The following HNRNPUL1 variants were observed in gnomAD, a reference collection of about 807,000 sequenced individuals.
The protein encoded by HNRNPUL1 is heterogeneous nuclear ribonucleoprotein U like 1.
In HNRNPUL1, 14 loss-of-function variants were observed where a neutral mutation model predicts 108.5. That is an observed-to-expected ratio of 0.13 (90% CI 0.09 to 0.20). The LOEUF (loss-of-function observed/expected upper bound fraction) is 0.20. Ranked by LOEUF, HNRNPUL1 falls within the 10% of genes least tolerant of loss-of-function variation. The pLI is 1.00. For missense variants in HNRNPUL1, 804 were observed against 1,168.3 expected, an observed-to-expected ratio of 0.69 and a Z score of 4.55; for synonymous variants, 422 against 445.2, an observed-to-expected ratio of 0.95 and a Z score of 0.66.
At position 41,294,697 on chromosome 19, in the gene HNRNPUL1, A is replaced by T. The variant is rs375379741; in HGVS notation, c.1518+11A>T. On this transcript the variant is annotated intron_variant, in intron 10 of 14. Transcript: ENST00000392006. This position sits in a 1 kb window ranked among gnomAD's most constrained non-coding sequence, Gnocchi z 4.3. ...TATATCCTAGATCAGGTACTTAATG[A>T]TGACCATTGTGTCCTCAGGAGAAGG... 1.7e-5 allele frequency: 28 copies of T among 1,614,046 alleles called. No individual in the cohort carries two copies. The highest frequency in any genetic ancestry group is 2.4e-5 in the Non-Finnish European group (28 of 1,180,006).
At chr19:41,297,715 A>G (rs1396837619) in intron 10 of HNRNPUL1, among the ~76,000 whole-genome samples, 1 of 152,230 alleles carries the variant, frequency 6.6e-6, no homozygotes, top group Non-Finnish European at 1.5e-5. Flanking sequence ...GGGCTCTAAC[A>G]GCTAGAGCCA....
chr19:41,293,759 G>A (rs1236037822), intron 8 of HNRNPUL1, among the ~76,000 whole-genome samples: 7 of 152,190 alleles, frequency 4.6e-5, no homozygotes, highest in African/African-American at 1.4e-4. Flanking sequence ...CACTTTGGGA[G>A]GCCAAGAAGG....
intron 5 of HNRNPUL1, chr19:41,276,820 CA>C (rs2035584591): frequency 6.6e-6 from 1 of 152,280 alleles, no homozygotes; most frequent in Non-Finnish European, 1.5e-5. Context: ...TTATTCTCGC[CA>C]GGTGTGGTGG....
At chr19:41,277,921 T>TA (rs1279699007) in intron 5 of HNRNPUL1, among the ~76,000 whole-genome samples, 1 of 152,122 alleles carries the variant, frequency 6.6e-6, no homozygotes, top group African/African-American at 2.4e-5. Context: ...TTCGGCAGTC[T>TA]AGTCTTTTAA....
intron 7 of HNRNPUL1, among the ~76,000 whole-genome samples, chr19:41,289,893 A>G (rs2036483119): frequency 6.6e-6 from 1 of 151,872 alleles, no homozygotes; most frequent in Admixed American, 6.6e-5. Flanking sequence ...TTGTATGTTT[A>G]GTAGAGACGG....
intron 2 of HNRNPUL1, among the ~76,000 whole-genome samples, chr19:41,270,545 A>G (rs2035165196): frequency 6.6e-6 from 1 of 151,008 alleles, no homozygotes; most frequent in South Asian, 2.1e-4. Flanking sequence ...CATGTTAAGT[A>G]TATGTCTTTA....
At chr19:41,267,808 T>C (rs1311182970) in intron 1 of HNRNPUL1, among the ~76,000 whole-genome samples, 1 of 152,222 alleles carries the variant, frequency 6.6e-6, no homozygotes, top group African/African-American at 2.4e-5. Context: ...AGGGAATTTC[T>C]GGTTTTAGTT....
chr19:41,288,983 A>G (rs2036421884), intron 7 of HNRNPUL1, among the ~76,000 whole-genome samples: 1 of 151,990 alleles, frequency 6.6e-6, no homozygotes, highest in Non-Finnish European at 1.5e-5. Context: ...TTCCTTCTTG[A>G]AAGTTAGATT....
chr19:41,263,853 G>A (rs1204420036), upstream of HNRNPUL1, among the ~76,000 whole-genome samples: 1 of 152,098 alleles, frequency 6.6e-6, no homozygotes, highest in Middle Eastern at 3.2e-3. Context: ...GCGGGCTCCT[G>A]GTGAATTCAT....
chr19:41,280,800 A>T lies in HNRNPUL1; in HGVS notation c.887-363A>T, dbSNP rs1044640005. On this transcript the variant is annotated intron_variant, in intron 6 of 14. Transcript: ENST00000392006. ...CAGCCCCTTCACTGATTTCTACCAC[A>T]AGTAGACTGGACTGAATATTGGGTG... 1.5e-5 allele frequency: 3 copies of T among 206,600 alleles called. No homozygotes were observed. In the Admixed American group the frequency reaches 1.5e-4, roughly 10 times the overall value. The allele number at this position is 206,600 out of a possible 1,614,324, so 12.8% of individuals were successfully genotyped here. A position where few individuals can be genotyped will look rare whatever the true frequency, so the allele number is the denominator to read the frequency against.
chr19:41,264,567 A>G lies in HNRNPUL1; in HGVS notation c.64A>G (p.Thr22Ala), dbSNP rs1436292174. ...REELQRRGLD[T>A]RGLKAELAER... ...GGAGCTGCAGCGCCGCGGCCTGGAC[A>G]CTCGAGGCCTCAAGGCCGAGCTTGC... is the stretch of plus-strand genomic sequence containing the variant. The change falls in exon 1 of 15, where the codon ACT (threonine) becomes GCT (alanine). Residue 22 changes from threonine (T) to alanine (A), a missense_variant. Around this residue, in one of 4 missense-constraint regions of HNRNPUL1, gnomAD observed 256 missense variants for 261.6 expected, o/e 0.98. Transcript: ENST00000392006. The G allele has an allele frequency of 6.5e-7, 1 of 1,545,502 alleles. No homozygotes were observed. Among genetic ancestry groups the G allele is most frequent in the South Asian group, 1.2e-5 (1 of 85,250 alleles).
intron 1 of HNRNPUL1, chr19:41,265,410 A>G: frequency 2.1e-6 from 3 of 1,461,864 alleles, no homozygotes; most frequent in Non-Finnish European, 2.7e-6. Flanking sequence ...TAATGGACTC[A>G]GTGCTTTGGA....
rs1392620044 is a variant in HNRNPUL1 at position 41,264,969 on chromosome 19, G to A, written c.295+171G>A. 5 of 1,347,796 alleles carry A rather than the reference G, an allele frequency of 3.7e-6. No homozygotes were observed. The African/African-American group carries it at 7.7e-5, about 21-fold the overall frequency. The allele number at this position is 1,347,796 out of a possible 1,614,324, so 83.5% of individuals were successfully genotyped here. A position where few individuals can be genotyped will look rare whatever the true frequency, so the allele number is the denominator to read the frequency against. ...ACCAGGGCCCCAGCACGACCGGAGG[G>A]TGGATCCTGACACTCAGTGCAGGGG... is the stretch of plus-strand genomic sequence containing the variant. On this transcript the variant is annotated intron_variant, in intron 1 of 14. Coordinates refer to ENST00000392006, the MANE Select transcript of HNRNPUL1 (RefSeq NM_007040.6).
intron 1 of HNRNPUL1, 25 bp downstream of exon 1, chr19:41,264,823 G>C (rs1771612856): frequency 2.2e-6 from 3 of 1,339,774 alleles, no homozygotes; most frequent in Non-Finnish European, 2.9e-6. Flanking sequence ...GGCGGGGGCC[G>C]GGGAGCCCGG....
upstream of HNRNPUL1, among the ~76,000 whole-genome samples, chr19:41,264,018 G>T (rs1185779418): frequency 6.6e-6 from 1 of 152,214 alleles, no homozygotes; most frequent in African/African-American, 2.4e-5. Context: ...TTTGATGAAA[G>T]GACTGCGCAG....
At chr19:41,273,162 A>C (rs1409769535) in intron 3 of HNRNPUL1, among the ~76,000 whole-genome samples, 1 of 152,202 alleles carries the variant, frequency 6.6e-6, no homozygotes, top group Non-Finnish European at 1.5e-5. Context: ...ACTCGCTCTG[A>C]TCCTGGGCTG....
In HNRNPUL1 at chr19:41,302,154, C is replaced by T. The variant is rs1376482766; in HGVS notation, c.1687+450C>T. Among the ~76,000 whole-genome samples the T allele has an allele frequency of 2.0e-5, 3 of 151,762 alleles. No individual in the cohort carries two copies. The East Asian group carries it at 5.8e-4, about 29-fold the overall frequency. On this transcript the variant is annotated intron_variant, in intron 11 of 14. Transcript: ENST00000392006. ...CAGAAAACGGAGGAGTCTTTGTTAG[C>T]CCCTGACACTTAGCAGGCTGAGGGG...
At position 41,306,348 on chromosome 19, in the gene HNRNPUL1, T is replaced by C. The variant is rs2037546733; in HGVS notation, c.2455-101T>C. ...TCAGGGGACCTGTGTTCAACTGTTG[T>C]CACTGCAGCTGTCTCTGCCCTAGGT... On this transcript the variant is annotated intron_variant, in intron 14 of 14. Transcript: ENST00000392006. 6.9e-6 allele frequency: 5 copies of C among 722,006 alleles called. No homozygotes were observed. In the Admixed American group the frequency reaches 1.4e-4, roughly 20 times the overall value. 44.7% of individuals were successfully genotyped at this position (722,006 alleles called of 1,614,324 possible).
chr19:41,289,712 T>C (rs1348002878), intron 7 of HNRNPUL1, among the ~76,000 whole-genome samples: 1 of 135,606 alleles, frequency 7.4e-6, no homozygotes, highest in African/African-American at 3.1e-5. Flanking sequence ...CTCTCCATGG[T>C]CTTTTTTTTT....
Sources: allele counts gnomAD v4.1 joint callset (sites outside exome capture counted in the v4.1 genomes callset), GRCh38; gene constraint gnomAD v4.1.1; regional missense constraint gnomAD v4.1.1; non-coding constraint Gnocchi (gnomAD v3.1); transcripts MANE v1.5; gene names NCBI Gene and HGNC (gene_info 2026-07-23, HGNC 2026-07-21).